Variants in DACH1 observed in about 807,000 individuals in gnomAD.
DACH1 encodes dachshund homolog 1.
DACH1 carries 12 observed loss-of-function variants against 54.2 expected under a neutral mutation model. That is an observed-to-expected ratio of 0.22 (90% CI 0.14 to 0.36). DACH1 has a LOEUF of 0.36. Ranked by LOEUF, DACH1 falls within the 10% of genes least tolerant of loss-of-function variation. DACH1 has a pLI of 1.00. For synonymous variants in DACH1, 386 were observed against 366.2 expected, an observed-to-expected ratio of 1.05 and a Z score of -0.62; for missense variants, 805 against 929.8, an observed-to-expected ratio of 0.87 and a Z score of 1.75.
intron 3 of DACH1, among the ~76,000 whole-genome samples, chr13:71,603,681 T>C (rs1314765039): frequency 6.6e-6 from 1 of 151,970 alleles, no homozygotes; most frequent in Non-Finnish European, 1.5e-5. Flanking sequence ...ATATTATATG[T>C]TGGCCAGTTT....
intron 1 of DACH1, among the ~76,000 whole-genome samples, chr13:71,801,028 C>T (rs970335420): frequency 6.6e-6 from 1 of 152,058 alleles, no homozygotes; most frequent in Non-Finnish European, 1.5e-5. Context: ...ATTTCAGAAG[C>T]CTTTACAGTG....
At position 71,861,875 on chromosome 13, in the gene DACH1, TTC is replaced by T. The variant is rs566205487; in HGVS notation, c.848+4045_848+4046del. On this transcript the variant is annotated intron_variant, in intron 1 of 10. Transcript: ENST00000613252. ...CAAATGTTAAATAAATATAGACTGGTTCGGTTTGCCATCTTTATTAAAACTCC... is the reference window on the plus strand; with the variant it reads ...CAAATGTTAAATAAATATAGACTGGTGGTTTGCCATCTTTATTAAAACTCC... Among the ~76,000 whole-genome samples, 195 of 147,032 alleles carry T rather than the reference TTC, an allele frequency of 1.3e-3. 2 individuals are homozygous for T. Among genetic ancestry groups the T allele is most frequent in the East Asian group, 6.4e-3 (31 of 4,856 alleles).
chr13:71,842,532 C>G (rs1872947381), intron 1 of DACH1, among the ~76,000 whole-genome samples: 1 of 152,038 alleles, frequency 6.6e-6, no homozygotes. Context: ...GAACTGTGAT[C>G]AGACCACTGC....
chr13:71,701,552 G>A (rs1174671119), intron 1 of DACH1, among the ~76,000 whole-genome samples: 1 of 152,060 alleles, frequency 6.6e-6, no homozygotes, highest in Non-Finnish European at 1.5e-5. Flanking sequence ...AATAAAAAAG[G>A]AAATGGGAGA....
intron 1 of DACH1, among the ~76,000 whole-genome samples, chr13:71,849,043 T>TA (rs1873485892): frequency 6.6e-6 from 1 of 152,204 alleles, no homozygotes; most frequent in Admixed American, 6.5e-5. Flanking sequence ...TTAGTTAATC[T>TA]AAAATCTAGA....
At position 71,489,138 on chromosome 13, in the gene DACH1, C is replaced by A. The variant is rs370706409; in HGVS notation, c.1581G>T (p.Pro527=). The change falls in exon 7 of 11, where the codon CCG becomes CCT. Residue 527 remains proline, a synonymous_variant. Coordinates refer to ENST00000613252, the MANE Select transcript of DACH1 (RefSeq NM_080759.6). The part of the protein sequence containing the change: ...KRMHIEKDET[P]LSTPTARDSL... The stretch of plus-strand genomic sequence containing the variant: ...TGTCTCTTGCGGTTGGTGTAGAAAG[C>A]GGGGTCTCATCTGCATGTGATTGAA... The A allele has an allele frequency of 6.2e-7, 1 of 1,612,804 alleles. No individual in the cohort carries two copies. The highest frequency in any genetic ancestry group is 1.1e-5 in the South Asian group (1 of 90,924).
At chr13:71,475,573 C>T (rs1223099394) in intron 9 of DACH1, 133 bp downstream of exon 9, 3 of 1,117,350 alleles carry the variant, frequency 2.7e-6, no homozygotes, top group Admixed American at 2.6e-5. Flanking sequence ...TTCTTCCCAC[C>T]CTGCTTTCAG....
chr13:71,563,506 GTTTAT>G (rs1303068552), intron 4 of DACH1, among the ~76,000 whole-genome samples: 1 of 151,620 alleles, frequency 6.6e-6, no homozygotes, highest in Non-Finnish European at 1.5e-5. Context: ...ATAATTCCTT[GTTTAT>G]TTTAACATTT....
chr13:71,711,254 A>G (rs565900992), intron 1 of DACH1, among the ~76,000 whole-genome samples: 4 of 152,332 alleles, frequency 2.6e-5, no homozygotes, highest in South Asian at 4.1e-4. Context: ...TTAAACTGCA[A>G]CAGGAGGGAT....
chr13:71,830,807 T>C (rs2138206098), intron 1 of DACH1, among the ~76,000 whole-genome samples: 1 of 151,938 alleles, frequency 6.6e-6, no homozygotes, highest in Non-Finnish European at 1.5e-5. Context: ...TACTTTTGGA[T>C]TTTAGAACCA....
chr13:71,827,122 G>C (rs535911220), intron 1 of DACH1, among the ~76,000 whole-genome samples: 2 of 152,042 alleles, frequency 1.3e-5, no homozygotes, highest in South Asian at 4.1e-4. Flanking sequence ...AAATAGAGTA[G>C]AAGAGAAAAA....
chr13:71,711,278 GA>G, intron 1 of DACH1, among the ~76,000 whole-genome samples: 1 of 151,990 alleles, frequency 6.6e-6, no homozygotes, highest in Non-Finnish European at 1.5e-5. Flanking sequence ...GATGAGATAT[GA>G]AAAAATAGTT....
At chr13:71,618,585 G>T (rs572062835) in intron 3 of DACH1, among the ~76,000 whole-genome samples, 4 of 151,786 alleles carry the variant, frequency 2.6e-5, no homozygotes, top group Admixed American at 2.6e-4. Flanking sequence ...AAATGAAGTA[G>T]AATGTGCAAG....
intron 3 of DACH1, among the ~76,000 whole-genome samples, chr13:71,574,579 A>C (rs540592163): frequency 6.6e-6 from 1 of 152,178 alleles, no homozygotes; most frequent in South Asian, 2.1e-4. Context: ...CATTTACTTC[A>C]TGAAGACAGT....
intron 10 of DACH1, among the ~76,000 whole-genome samples, chr13:71,445,014 C>A (rs558627989): frequency 3.9e-5 from 6 of 152,212 alleles, no homozygotes; most frequent in Admixed American, 3.3e-4. Flanking sequence ...ATACTATCAC[C>A]CTAAGAATTA....
chr13:71,808,703 A>G (rs995899944), intron 1 of DACH1, among the ~76,000 whole-genome samples: 1 of 152,198 alleles, frequency 6.6e-6, no homozygotes, highest in Non-Finnish European at 1.5e-5. Context: ...TAGTCAATAC[A>G]GTAAGAAGAA....
intron 1 of DACH1, among the ~76,000 whole-genome samples, chr13:71,778,182 G>T (rs1362750383): frequency 1.3e-5 from 2 of 151,566 alleles, no homozygotes; most frequent in African/African-American, 2.4e-5. Flanking sequence ...TTATAAATAA[G>T]CTAGTTATTT....
rs182321825 is a variant in DACH1 at position 71,696,972 on chromosome 13, G to A, written c.849-15062C>T. ...CTCCACTTGCTGTTGCTGCTGCTTA[G>A]AATGCTCTTCAGTCAAACATCCCCA... On this transcript the variant is annotated intron_variant, in intron 1 of 10. Transcript: ENST00000613252. Among the ~76,000 whole-genome samples the A allele has an allele frequency of 3.3e-5, 5 of 152,244 alleles. No individual in the cohort carries two copies. In the East Asian group the frequency reaches 5.8e-4, roughly 18 times the overall value.
intron 6 of DACH1, among the ~76,000 whole-genome samples, chr13:71,551,195 T>C (rs986889525): frequency 2.0e-5 from 3 of 152,112 alleles, no homozygotes; most frequent in Non-Finnish European, 4.4e-5. Flanking sequence ...ACATAATAGA[T>C]GTATATATTT....
Sources: gnomAD v4.1 joint callset for allele counts (sites outside exome capture counted in the v4.1 genomes callset) on GRCh38, gnomAD v4.1.1 for gene constraint, MANE v1.5 for transcripts, NCBI Gene and HGNC (gene_info 2026-07-23, HGNC 2026-07-21) for gene names.